GRM6: variants seen among roughly 807,000 people sequenced by gnomAD.
GRM6 encodes the protein metabotropic glutamate receptor 6.
GRM6 carries 73 observed loss-of-function variants against 78.4 expected under a neutral mutation model. That is an observed-to-expected ratio of 0.93 (90% confidence interval 0.77 to 1.13). GRM6 has a LOEUF of 1.13. Ranked by LOEUF, GRM6 falls within the 50% of genes most tolerant of loss-of-function variation. The pLI, the probability that GRM6 is intolerant of heterozygous loss-of-function variation, is 0.00. For synonymous variants in GRM6, 580 were observed against 555.0 expected (o/e 1.05, Z -0.63); for missense variants, 1,251 against 1,256.4 (o/e 1.00, Z 0.07).
chr5:178,990,158 C>CTAT (rs1157897010), intron 5 of GRM6: 2 of 252,184 alleles, frequency 7.9e-6, no homozygotes, highest in Non-Finnish European at 1.6e-5. Flanking sequence ...ATGAGCAATC[C>CTAT]TATTGTAAAG....
chr5:178,994,689 G>T lies in GRM6; in HGVS notation c.256C>A (p.Leu86Met). Residue 86 changes from leucine (L) to methionine (M), a missense_variant, in exon 2 of 11, where the codon CTG (leucine) becomes ATG (methionine). Leu to Met is a conservative substitution (Grantham distance 15, BLOSUM62 2). Coordinates refer to ENST00000517717, the MANE Select transcript of GRM6 (RefSeq NM_000843.4). ...CGCGCGCCCAGGCGCACGCCGGGCA[G>T]CAGCTCGGGGTCGGCGTTGACGCGG... is the stretch of plus-strand genomic sequence containing the variant. ...LDRVNADPEL[L>M]PGVRLGARLL... is the part of the protein sequence containing the mutation. The T allele has an allele frequency of 6.8e-6, 10 of 1,468,986 alleles. No individual in the cohort carries two copies. Among genetic ancestry groups the T allele is most frequent in the Non-Finnish European group, 9.0e-6 (10 of 1,113,200 alleles). 91.0% of individuals were successfully genotyped at this position (1,468,986 alleles called of 1,614,324 possible).
chr5:178,985,571 C>T (rs192561779), intron 9 of GRM6: 4,120 of 338,286 alleles, frequency 0.012, 121 homozygotes, highest in Admixed American at 0.075. Flanking sequence ...GGCGTGGTGG[C>T]GGGCGCCTGT....
At position 178,983,045 on chromosome 5, in the gene GRM6, C is replaced by T. The variant is rs1352317299; in HGVS notation, c.2301G>A (p.Val767=). ...GCACGCCACGGGCCTTGATGGCGTA[C>T]ACTGTGCACGTGACCATGAGCAGGA... is the stretch of plus-strand genomic sequence containing the variant. ...YSLLLMVTCT[V]YAIKARGVPE... Residue 767 remains valine, a synonymous_variant, in exon 10 of 11, where the codon GTG becomes GTA. Transcript: ENST00000517717. 1.2e-6 allele frequency: 2 copies of T among 1,614,054 alleles called. No individual in the cohort carries two copies. The highest frequency in any genetic ancestry group is 1.7e-5 in the Admixed American group (1 of 60,018).
chr5:178,982,655 C>G (rs1351351040), intron 10 of GRM6, among the ~76,000 whole-genome samples: 1 of 105,422 alleles, frequency 9.5e-6, no homozygotes, highest in Non-Finnish European at 1.9e-5. Context: ...AACTGGGTGA[C>G]AGAGTGAGGC....
rs200306155 is a variant in GRM6, at chr5:178,991,986, G to T, written c.602C>A (p.Ala201Glu). 11 of 1,613,676 alleles carry T rather than the reference G, an allele frequency of 6.8e-6. No individual in the cohort carries two copies. Among genetic ancestry groups the T allele is most frequent in the Non-Finnish European group, 9.3e-6 (11 of 1,179,688 alleles). Residue 201 changes from alanine to glutamate, a missense_variant, in exon 3 of 11, where the codon GCG (alanine) becomes GAG (glutamate). By Grantham distance (107) the Ala-to-Glu change is moderately radical (BLOSUM62 -1). Coordinates refer to ENST00000517717, the MANE Select transcript of GRM6 (RefSeq NM_000843.4). This position sits in a 1 kb window ranked among gnomAD's most constrained non-coding sequence, Gnocchi z 5.0. Reference sequence around the variant, plus strand: ...CCTCACGATGTCCACCATGGCCTGCGCCTGGTAGGAGTCGGGTGGCACCAC... The same window carrying T: ...CCTCACGATGTCCACCATGGCCTGCTCCTGGTAGGAGTCGGGTGGCACCAC... ...SRVVPPDSYQAQAMVDIVRAL... is the reference protein window; with the variant it reads ...SRVVPPDSYQEQAMVDIVRAL...
At chr5:178,985,569 G>A (rs565933836) in intron 9 of GRM6, 126 of 339,862 alleles carry the variant, frequency 3.7e-4, no homozygotes, top group African/African-American at 8.1e-4. Flanking sequence ...CGGGCGTGGT[G>A]GCGGGCGCCT....
intron 9 of GRM6, chr5:178,983,637 C>T (rs977843759): frequency 1.1e-5 from 4 of 360,046 alleles, no homozygotes; most frequent in African/African-American, 2.1e-5. Context: ...CTAGCCTCCT[C>T]ACGTGTACTG....
Position 178,986,909 on chromosome 5 carries a change from C to A in GRM6, c.1429G>T (p.Ala477Ser). 3 of 1,614,182 alleles carry A rather than the reference C, an allele frequency of 1.9e-6. No individual in the cohort carries two copies. The South Asian group carries it at 3.3e-5, about 18-fold the overall frequency. Residue 477 changes from alanine (A) to serine (S), a missense_variant, in exon 8 of 11, where the codon GCG (alanine) becomes TCG (serine). Transcript: ENST00000517717. The part of the protein sequence containing the change: ...PGRYDIFQYQ[A>S]TNGSASSGGY... ...CCACTGCTGGCACTGCCATTGGTCG[C>A]CTGGTACTGGAAGATGTCGTACCGC...
At chr5:178,994,275 C>A (rs767064025) in intron 2 of GRM6, among the ~76,000 whole-genome samples, 166 bp downstream of exon 2, 13 of 152,254 alleles carry the variant, frequency 8.5e-5, no homozygotes, top group Non-Finnish European at 1.8e-4. Context: ...GGAGCCGATT[C>A]AGGCCTGCGT....
At position 178,986,428 on chromosome 5, in the gene GRM6, C is replaced by T. The variant is rs566355447; in HGVS notation, c.1826G>A (p.Arg609Gln). Residue 609 changes from arginine (R) to glutamine (Q), a missense_variant, in exon 9 of 11, where the codon CGG (arginine) becomes CAG (glutamine). Transcript: ENST00000517717. The stretch of plus-strand genomic sequence containing the variant: ...CCGGACGATGGGCGTGTTGTTGTAC[C>T]GCACGAAGGTGGCCACCACCGTGGT... ...ATTTVVATFV[R>Q]YNNTPIVRAS... is the part of the protein sequence containing the mutation. 4.3e-5 allele frequency: 70 copies of T among 1,613,434 alleles called. No homozygotes were observed. Among genetic ancestry groups the T allele is most frequent in the Admixed American group, 2.5e-4 (15 of 60,006 alleles).
At chr5:178,984,816 C>T (rs1760477942) in intron 9 of GRM6, among the ~76,000 whole-genome samples, 1 of 152,126 alleles carries the variant, frequency 6.6e-6, no homozygotes, top group Non-Finnish European at 1.5e-5. Flanking sequence ...CGGGAGTGGA[C>T]AGCACCGGGA....
Position 178,983,040 on chromosome 5 carries a change from G to C in GRM6, c.2306C>G (p.Ala769Gly), listed in dbSNP as rs751960320. 1 of 1,613,948 alleles carries C rather than the reference G, an allele frequency of 6.2e-7. No individual in the cohort carries two copies. Among genetic ancestry groups the C allele is most frequent in the Non-Finnish European group, 8.5e-7 (1 of 1,179,910 alleles). Residue 769 changes from alanine (A) to glycine (G), a missense_variant, in exon 10 of 11, where the codon GCC becomes GGC. Physicochemically the swap from Ala to Gly is moderately conservative, Grantham distance 60 (BLOSUM62 0). Transcript: ENST00000517717. ...CTCGGGCACGCCACGGGCCTTGATG[G>C]CGTACACTGTGCACGTGACCATGAG... ...LLLMVTCTVY[A>G]IKARGVPETF... is the part of the protein sequence containing the mutation.
chr5:178,986,100 G>C, intron 9 of GRM6, 30 bp downstream of exon 9: 1 of 1,602,672 alleles, frequency 6.2e-7, no homozygotes, highest in Non-Finnish European at 8.5e-7. Context: ...CCCCCTCCCT[G>C]CCCTGGCCCT....
rs990111291 is a variant in GRM6, at chr5:178,992,792, G to T, written c.505-709C>A. Among the ~76,000 whole-genome samples the T allele has an allele frequency of 6.6e-6, 1 of 151,982 alleles. No individual in the cohort carries two copies. The highest frequency in any genetic ancestry group is 1.5e-5 in the Non-Finnish European group (1 of 67,992). On this transcript the variant is annotated intron_variant, in intron 2 of 10. Coordinates refer to ENST00000517717, the MANE Select transcript of GRM6 (RefSeq NM_000843.4). This position sits in a 1 kb window ranked among gnomAD's most constrained non-coding sequence, Gnocchi z 4.9. Reference sequence around the variant, plus strand: ...GTTTCTGGAAGGAGGGAGGGGGGCTGGTCCAGGGTTGTTTGAAGCAGGATA... The same window carrying T: ...GTTTCTGGAAGGAGGGAGGGGGGCTTGTCCAGGGTTGTTTGAAGCAGGATA...
chr5:178,984,775 C>A (rs191221640), intron 9 of GRM6, among the ~76,000 whole-genome samples: 1 of 152,104 alleles, frequency 6.6e-6, no homozygotes, highest in Non-Finnish European at 1.5e-5. Flanking sequence ...AGGCACGTGG[C>A]GTGTGTGGAA....
At chr5:178,983,457 A>G (rs767273802) in intron 9 of GRM6, 63 of 691,962 alleles carry the variant, frequency 9.1e-5, no homozygotes, top group Non-Finnish European at 1.5e-4. Context: ...GCTGCGGAGA[A>G]GGGCTGTGCC....
Position 178,994,917 on chromosome 5 carries a change from G to T in GRM6, c.28C>A (p.Pro10Thr). MARPRRARE[P>T]LLVALLPLAW... ...AGCGGCAGCAGCGCCACGAGCAGCGGCTCCCGGGCTCTCCGGGGCCGCGCC... is the reference window on the plus strand; with the variant it reads ...AGCGGCAGCAGCGCCACGAGCAGCGTCTCCCGGGCTCTCCGGGGCCGCGCC... Residue 10 changes from proline to threonine, a missense_variant, in exon 2 of 11, where the codon CCG becomes ACG. Pro to Thr is a conservative substitution (Grantham distance 38). Transcript: ENST00000517717. 8.3e-7 allele frequency: 1 copy of T among 1,199,282 alleles called. No individual in the cohort carries two copies. Among genetic ancestry groups the T allele is most frequent in the Non-Finnish European group, 1.0e-6 (1 of 966,674 alleles). The allele number at this position is 1,199,282 out of a possible 1,614,324, so 74.3% of individuals were successfully genotyped here. A position where few individuals can be genotyped will look rare whatever the true frequency, so the allele number is the denominator to read the frequency against.
chr5:178,990,452 T>TG, intron 5 of GRM6, 140 bp downstream of exon 5: 1 of 773,504 alleles, frequency 1.3e-6, no homozygotes. Flanking sequence ...CGTCCACAGA[T>TG]GATCGGACTC....
At chr5:178,989,651 C>G in intron 5 of GRM6, 1 of 588,196 alleles carries the variant, frequency 1.7e-6, no homozygotes, top group South Asian at 2.0e-5. Flanking sequence ...GGACTCAGAG[C>G]CAACTGGAGG....
Sources: allele counts gnomAD v4.1 joint callset (sites outside exome capture counted in the v4.1 genomes callset), GRCh38; gene constraint gnomAD v4.1.1; non-coding constraint Gnocchi (gnomAD v3.1); transcripts MANE v1.5; gene names NCBI Gene and HGNC (gene_info 2026-07-23, HGNC 2026-07-21).